BLNK: variants seen among roughly 807,000 people sequenced by gnomAD.
BLNK encodes the protein B cell linker, also known as B-cell linker protein.
Under a neutral mutation model 73.5 loss-of-function variants are expected in BLNK, and 29 were observed. That is an observed-to-expected ratio of 0.39 (90% confidence interval 0.29 to 0.54). BLNK has a LOEUF of 0.54. Among genes scored for constraint, BLNK ranks in the 20% least tolerant of loss-of-function variants. The pLI is 0.61. For missense variants in BLNK, 460 were observed against 562.8 expected (o/e 0.82, Z 1.85); for synonymous variants, 176 against 200.8 (o/e 0.88, Z 1.04).
rs753628302 is a variant in BLNK, at chr10:96,226,834, G to A, written c.361+576C>T. ...CTGGGTGACAGAGTGAGACTCTGTC[G>A]CAAAAAAACAAAACAAAACAAAAAA... On this transcript the variant is annotated intron_variant, in intron 5 of 16. Coordinates refer to ENST00000224337, the MANE Select transcript of BLNK (RefSeq NM_013314.4). Among the ~76,000 whole-genome samples the A allele has an allele frequency of 2.3e-3, 344 of 150,404 alleles. 6 individuals carry two copies. Among genetic ancestry groups the A allele is most frequent in the East Asian group, 5.9e-4 (3 of 5,128 alleles).
chr10:96,241,299 T>A (rs1244933485), intron 3 of BLNK, among the ~76,000 whole-genome samples: 1 of 152,250 alleles, frequency 6.6e-6, no homozygotes, highest in South Asian at 2.1e-4. Context: ...TGTAGCTCTG[T>A]GGTTTTCACT....
chr10:96,197,205 C>A, intron 15 of BLNK, 142 bp from the exon 16 acceptor site: 1 of 627,318 alleles, frequency 1.6e-6, no homozygotes, highest in Non-Finnish European at 2.6e-6. Flanking sequence ...TATTGATTAG[C>A]GCTTGTCTTC....
intron 1 of BLNK, among the ~76,000 whole-genome samples, chr10:96,259,867 AC>A (rs1843679073): frequency 6.6e-6 from 1 of 151,690 alleles, no homozygotes. Flanking sequence ...GGTAGGACTT[AC>A]CCTATCAGAG....
chr10:96,243,113 TGGTAA>T (rs1253490536), intron 2 of BLNK, among the ~76,000 whole-genome samples: 8 of 152,112 alleles, frequency 5.3e-5, no homozygotes, highest in Admixed American at 5.2e-4. Flanking sequence ...GTTGATTGGT[TGGTAA>T]GGTAAGTGTT....
At chr10:96,216,581 A>C in intron 7 of BLNK, 72 bp downstream of exon 7, 6 of 1,307,190 alleles carry the variant, frequency 4.6e-6, no homozygotes, top group Non-Finnish European at 6.6e-6. Context: ...CTTAGTGCTT[A>C]CTACCAAATA....
chr10:96,262,770 C>T (rs1843814893), intron 1 of BLNK, among the ~76,000 whole-genome samples: 1 of 152,208 alleles, frequency 6.6e-6, no homozygotes, highest in Non-Finnish European at 1.5e-5. Flanking sequence ...GGGCCTGGAA[C>T]ACACAATTGT....
Position 96,197,070 on chromosome 10 carries a change from A to C in BLNK, c.1096-7T>G. On this transcript the variant is annotated splice_region_variant and splice_polypyrimidine_tract_variant and intron_variant, in intron 15 of 16. Coordinates refer to ENST00000224337, the MANE Select transcript of BLNK (RefSeq NM_013314.4). ...GAATAAGAAATGATCCATCCTGTTT[A>C]ATTTTTTTTAAAAAACATAATTATG... The C allele has an allele frequency of 6.2e-7, 1 of 1,607,506 alleles. No homozygotes were observed. The highest frequency in any genetic ancestry group is 1.1e-5 in the South Asian group (1 of 89,662).
intron 1 of BLNK, among the ~76,000 whole-genome samples, chr10:96,269,766 AG>A (rs1554915127): frequency 6.6e-6 from 1 of 152,174 alleles, no homozygotes; most frequent in Non-Finnish European, 1.5e-5. Flanking sequence ...CAATCATACC[AG>A]GACCTTCAGG....
chr10:96,260,256 C>G (rs1306144330), intron 1 of BLNK, among the ~76,000 whole-genome samples: 1 of 152,176 alleles, frequency 6.6e-6, no homozygotes, highest in Non-Finnish European at 1.5e-5. Context: ...GAGGTCATGT[C>G]ATTTAGTCCC....
At chr10:96,206,101 A>G (rs1554897360) in intron 11 of BLNK, among the ~76,000 whole-genome samples, 1 of 152,184 alleles carries the variant, frequency 6.6e-6, no homozygotes, top group East Asian at 1.9e-4. Flanking sequence ...GAAAAAACCT[A>G]ATGGCGTCAT....
At chr10:96,215,759 G>T in intron 7 of BLNK, 1 of 188,530 alleles carries the variant, frequency 5.3e-6, no homozygotes, top group Non-Finnish European at 1.1e-5. Flanking sequence ...CCCCTTACTG[G>T]AGGGGCCCAA....
At chr10:96,231,204 G>A (rs1196545594) in intron 3 of BLNK, among the ~76,000 whole-genome samples, 1 of 152,168 alleles carries the variant, frequency 6.6e-6, no homozygotes, top group Non-Finnish European at 1.5e-5. Flanking sequence ...ACAGACCTAA[G>A]TTCTTATCCA....
rs368914948 is a variant in BLNK, at chr10:96,224,028, C to A, written c.362-39G>T. 390 of 1,610,972 alleles carry A rather than the reference C, an allele frequency of 2.4e-4. 2 individuals are homozygous for A. Among genetic ancestry groups the A allele is most frequent in the South Asian group, 5.0e-4 (45 of 90,896 alleles). On this transcript the variant is annotated intron_variant, in intron 5 of 16. Transcript: ENST00000224337. ...AACAAAAAACATAACATAAAAGAGGCTCTGGATCATTTCCTGGGTGGAAGC... is the reference window on the plus strand; with the variant it reads ...AACAAAAAACATAACATAAAAGAGGATCTGGATCATTTCCTGGGTGGAAGC...
chr10:96,254,722 G>A (rs1843439977), intron 1 of BLNK, among the ~76,000 whole-genome samples: 1 of 152,026 alleles, frequency 6.6e-6, no homozygotes, highest in African/African-American at 2.4e-5. Flanking sequence ...TGTTGGCCAG[G>A]CTGGTCTCGA....
chr10:96,234,977 G>A (rs1483977610), intron 3 of BLNK, among the ~76,000 whole-genome samples: 5 of 152,230 alleles, frequency 3.3e-5, no homozygotes, highest in South Asian at 2.1e-4. Flanking sequence ...CTGGTTTGGG[G>A]CTTATGCTCC....
intron 6 of BLNK, among the ~76,000 whole-genome samples, chr10:96,218,562 T>A (rs1000112047): frequency 6.6e-6 from 1 of 151,754 alleles, no homozygotes; most frequent in Non-Finnish European, 1.5e-5. Flanking sequence ...AACATATTGG[T>A]ATGCACCTGT....
At chr10:96,203,524 T>C (rs2083708016) in intron 13 of BLNK, 2 of 152,180 alleles carry the variant, frequency 1.3e-5, no homozygotes, top group East Asian at 3.8e-4. Context: ...AATTAAGGTT[T>C]GGGCAGTTAC....
chr10:96,214,308 T>C (rs587765990), intron 8 of BLNK, among the ~76,000 whole-genome samples: 326 of 151,874 alleles, frequency 2.1e-3, no homozygotes, highest in African/African-American at 7.6e-3. Flanking sequence ...GCCTTGGGGG[T>C]TGCCAAAACC....
intron 16 of BLNK, among the ~76,000 whole-genome samples, chr10:96,194,073 G>T (rs1197360556): frequency 6.6e-6 from 1 of 152,136 alleles, no homozygotes; most frequent in East Asian, 1.9e-4. Context: ...TTCTAAAGTG[G>T]AGATGAAGAT....
Sources: allele counts gnomAD v4.1 joint callset (sites outside exome capture counted in the v4.1 genomes callset), GRCh38; gene constraint gnomAD v4.1.1; transcripts MANE v1.5; gene names NCBI Gene and HGNC (gene_info 2026-07-23, HGNC 2026-07-21).